The following UGT1A6 variants were observed in gnomAD, a reference collection of about 807,000 sequenced individuals.
UGT1A6 encodes UDP glucuronosyltransferase family 1 member A6, also known as UDP-glucuronosyltransferase 1A6.
UGT1A6 carries 32 observed loss-of-function variants against 44.4 expected under a neutral mutation model. The observed-to-expected ratio is 0.72, with a 90% CI of 0.54 to 0.97. The LOEUF (loss-of-function observed/expected upper bound fraction) is 0.97, where lower values mean the gene tolerates loss of function less well. Among genes scored for constraint, UGT1A6 ranks in the 50% least tolerant of loss-of-function variants. UGT1A6 has a pLI of 0.00. For synonymous variants in UGT1A6, 238 were observed against 248.5 expected (o/e 0.96, Z 0.40); for missense variants, 685 against 661.9 (o/e 1.03, Z -0.38).
At chr2:233,724,165 C>CT (rs1189702988) in intron 1 of UGT1A6, among the ~76,000 whole-genome samples, 2 of 112,674 alleles carry the variant, frequency 1.8e-5, no homozygotes, top group African/African-American at 8.4e-5. Context: ...GGGGGGCTGA[C>CT]CCCCCCATCT....
At chr2:233,717,046 C>T (rs1379018729) in intron 1 of UGT1A6, among the ~76,000 whole-genome samples, 1 of 152,138 alleles carries the variant, frequency 6.6e-6, no homozygotes, top group African/African-American at 2.4e-5. Flanking sequence ...CATGGGCCTC[C>T]GCAGGGTCTA....
intron 1 of UGT1A6, chr2:233,717,942 G>C (rs1357400143): frequency 2.2e-6 from 1 of 453,616 alleles, no homozygotes; most frequent in Non-Finnish European, 4.4e-6. Flanking sequence ...TCTCTATGCA[G>C]ACTTGCAGAA....
chr2:233,745,177 T>C (rs1693032562), intron 1 of UGT1A6, among the ~76,000 whole-genome samples: 1 of 151,880 alleles, frequency 6.6e-6, no homozygotes, highest in South Asian at 2.1e-4. Flanking sequence ...TTATTCACTT[T>C]TCTTGACTGC....
chr2:233,719,383 C>G (rs778111484), intron 1 of UGT1A6: 11 of 1,613,932 alleles, frequency 6.8e-6, no homozygotes, highest in Non-Finnish European at 9.3e-6. Flanking sequence ...ACACAGTGTC[C>G]AAATCCTTCC....
intron 1 of UGT1A6, among the ~76,000 whole-genome samples, chr2:233,742,577 G>T (rs28900373): frequency 0.034 from 5,125 of 151,816 alleles, 154 homozygotes; most frequent in African/African-American, 0.051. Flanking sequence ...CGGAATTGGG[G>T]GCTTATCCCC....
rs930455403 is a variant in UGT1A6 at position 233,693,830 on chromosome 2, G to A, written c.826G>A (p.Gly276Ser). 6.2e-7 allele frequency: 1 copy of A among 1,614,166 alleles called. No homozygotes were observed. The highest frequency in any genetic ancestry group is 1.1e-5 in the South Asian group (1 of 91,076). Residue 276 changes from glycine to serine, a missense_variant, in exon 1 of 5, where the codon GGT becomes AGT. Gly to Ser is a moderately conservative substitution (Grantham distance 56). Transcript: ENST00000305139. Reference protein sequence around the residue: ...PVMPNMVFIGGINCKKRKDLS... With the variant: ...PVMPNMVFIGSINCKKRKDLS... Reference sequence around the variant, plus strand: ...CATGCCCAACATGGTCTTCATTGGAGGTATCAACTGTAAGAAGAGGAAAGA... The same window carrying A: ...CATGCCCAACATGGTCTTCATTGGAAGTATCAACTGTAAGAAGAGGAAAGA...
At chr2:233,721,606 C>T (rs1043491978) in intron 1 of UGT1A6, 10 of 177,852 alleles carry the variant, frequency 5.6e-5, no homozygotes, top group Middle Eastern at 2.3e-3. Flanking sequence ...GGTTTAGGAA[C>T]AATTTGTTCC....
chr2:233,705,147 A>G (rs1162115841), intron 1 of UGT1A6, among the ~76,000 whole-genome samples: 2 of 151,972 alleles, frequency 1.3e-5, no homozygotes, highest in Admixed American at 6.6e-5. Flanking sequence ...AAAAAAAAAA[A>G]AAGAGAGAGA....
chr2:233,745,071 G>A (rs981811501), intron 1 of UGT1A6, among the ~76,000 whole-genome samples: 3 of 151,782 alleles, frequency 2.0e-5, no homozygotes, highest in Admixed American at 1.3e-4. Flanking sequence ...TATTTGTATT[G>A]TTTTTTCATT....
At position 233,772,651 on chromosome 2, in the gene UGT1A6, T is replaced by C. The variant is rs1700540535; in HGVS notation, c.*92T>C. 1.3e-6 allele frequency: 2 copies of C among 1,547,716 alleles called. No individual in the cohort carries two copies. Among genetic ancestry groups the C allele is most frequent in the Non-Finnish European group, 1.7e-6 (2 of 1,146,578 alleles). ...ATCAGTGTTAAATTCATTTTATTCT[T>C]ATTAAGGAAATACTTTGCATAAATT... On this transcript the variant is annotated 3_prime_UTR_variant, in exon 5 of 5. Transcript: ENST00000305139.
chr2:233,725,092 C>T (rs1421040680), intron 1 of UGT1A6, among the ~76,000 whole-genome samples: 3 of 144,372 alleles, frequency 2.1e-5, no homozygotes, highest in African/African-American at 7.9e-5. Flanking sequence ...CAGGCTGAGG[C>T]AGGAGAATCA....
chr2:233,692,756 A>G, upstream of UGT1A6: 3 of 1,156,272 alleles, frequency 2.6e-6, no homozygotes, highest in Non-Finnish European at 2.3e-6. Flanking sequence ...AGACTTGTGG[A>G]GCTGAAGAGA....
At chr2:233,723,995 T>G (rs1311992606) in intron 1 of UGT1A6, among the ~76,000 whole-genome samples, 3 of 71,382 alleles carry the variant, frequency 4.2e-5, no homozygotes, top group Admixed American at 3.7e-4. Flanking sequence ...CGCCTTTCTA[T>G]TCCACAAAGC....
chr2:233,733,282 T>A (rs1222670290), intron 1 of UGT1A6, among the ~76,000 whole-genome samples: 1 of 152,234 alleles, frequency 6.6e-6, no homozygotes, highest in African/African-American at 2.4e-5. Flanking sequence ...CCTCTTTTCC[T>A]AATTGAATGC....
At chr2:233,765,745 A>G (rs554567026) in intron 1 of UGT1A6, among the ~76,000 whole-genome samples, 1 of 151,724 alleles carries the variant, frequency 6.6e-6, no homozygotes, top group Non-Finnish European at 1.5e-5. Context: ...AAACCCATAA[A>G]GCCATTTGAG....
intron 1 of UGT1A6, chr2:233,747,180 G>C (rs1336341084): frequency 3.1e-6 from 5 of 1,601,796 alleles, no homozygotes; most frequent in Non-Finnish European, 4.3e-6. Flanking sequence ...CACAGCGTGG[G>C]GTGGACAGTC....
rs1700559887 is a variant in UGT1A6, at chr2:233,772,963, A to G, written c.*404A>G. On this transcript the variant is annotated 3_prime_UTR_variant, in exon 5 of 5. Coordinates refer to ENST00000305139, the MANE Select transcript of UGT1A6 (RefSeq NM_001072.4). ...TGGCTTCTGCAGATGGTTGCAATTG[A>G]TCCTTAACCAATAATGGTCAGTCCT... 3.2e-6 allele frequency: 1 copy of G among 310,458 alleles called. No homozygotes were observed. Among genetic ancestry groups the G allele is most frequent in the South Asian group, 3.3e-5 (1 of 30,404 alleles). 19.2% of individuals were successfully genotyped at this position (310,458 alleles called of 1,614,324 possible).
intron 1 of UGT1A6, among the ~76,000 whole-genome samples, chr2:233,765,312 TTTA>T (rs1273770554): frequency 2.0e-5 from 3 of 152,204 alleles, no homozygotes; most frequent in African/African-American, 7.2e-5. Flanking sequence ...CACATATTTG[TTTA>T]TTGCAGCACT....
chr2:233,767,427 G>A (rs1439996149), intron 2 of UGT1A6, among the ~76,000 whole-genome samples: 1 of 152,164 alleles, frequency 6.6e-6, no homozygotes, highest in Non-Finnish European at 1.5e-5. Context: ...GTGTATTAGG[G>A]AGAATTTATT....
Sources: allele counts gnomAD v4.1 joint callset (sites outside exome capture counted in the v4.1 genomes callset), GRCh38; gene constraint gnomAD v4.1.1; transcripts MANE v1.5; gene names NCBI Gene and HGNC (gene_info 2026-07-23, HGNC 2026-07-21).